ST3GAL3: variants seen among roughly 807,000 people sequenced by gnomAD.
ST3GAL3 encodes the protein ST3 beta-galactoside alpha-2,3-sialyltransferase 3, also known as CMP-N-acetylneuraminate-beta-1,4-galactoside alpha-2,3-sialyltransferase.
ST3GAL3 carries 21 observed loss-of-function variants against 50.1 expected under a neutral mutation model. The observed-to-expected ratio is 0.42, with a 90% confidence interval of 0.30 to 0.60. ST3GAL3 has a LOEUF of 0.60. Among genes scored for constraint, ST3GAL3 ranks in the 20% least tolerant of loss-of-function variants. The pLI is 0.19. For synonymous variants in ST3GAL3, 183 were observed against 190.0 expected (o/e 0.96, Z 0.30); for missense variants, 353 against 489.4 (o/e 0.72, Z 2.63).
At chr1:43,768,875 G>T (rs905503843) in intron 2 of ST3GAL3, among the ~76,000 whole-genome samples, 1 of 152,168 alleles carries the variant, frequency 6.6e-6, no homozygotes, top group African/African-American at 2.4e-5. Context: ...AACTGAAAAA[G>T]AGGGACACTC....
chr1:43,869,400 C>T (rs1378507915), intron 5 of ST3GAL3, among the ~76,000 whole-genome samples: 1 of 152,018 alleles, frequency 6.6e-6, no homozygotes, highest in Non-Finnish European at 1.5e-5. Context: ...CATAAAGGGC[C>T]CCTCCCTGTC....
rs1329120019 is a variant in ST3GAL3 at position 43,730,536 on chromosome 1, TTTTCTTTTCTTTTTTTC to T, written c.-30-5683_-30-5667del. On this transcript the variant is annotated intron_variant, in intron 1 of 11. Transcript: ENST00000347631. The stretch of plus-strand genomic sequence containing the variant: ...TTAGAAATACAAGTTTCTGATTTCT[TTTTCTTTTCTTTTTTTC>T]TTTCTTTTCTTTTCTTTCTTTTTTT... Among the ~76,000 whole-genome samples the T allele has an allele frequency of 4.7e-5, 4 of 85,804 alleles. No individual in the cohort carries two copies. In the East Asian group the frequency reaches 9.8e-4, roughly 21 times the overall value. The allele number at this position is 85,804 out of a possible 152,430, so 56.3% of individuals were successfully genotyped here. A position where few individuals can be genotyped will look rare whatever the true frequency, so the allele number is the denominator to read the frequency against.
chr1:43,740,337 C>CAAA lies in ST3GAL3; in HGVS notation c.118+3971_118+3973dup, dbSNP rs879854207. 8.1e-3 allele frequency among the ~76,000 whole-genome samples: 629 copies of CAAA among 77,500 alleles called. 12 individuals carry two copies. Among genetic ancestry groups the CAAA allele is most frequent in the African/African-American group, 0.027 (585 of 21,372 alleles). 50.8% of individuals were successfully genotyped at this position (77,500 alleles called of 152,430 possible). On this transcript the variant is annotated intron_variant, in intron 2 of 11. Coordinates refer to ENST00000347631, the MANE Select transcript of ST3GAL3 (RefSeq NM_006279.5). ...TGGGCCACAGAGCAAGACTCAGTCT[C>CAAA]AAAAAAAAAAAAAAAAGACTTATTT...
intron 1 of ST3GAL3, among the ~76,000 whole-genome samples, chr1:43,715,892 G>A (rs892463225): frequency 1.3e-5 from 2 of 152,020 alleles, no homozygotes; most frequent in African/African-American, 2.4e-5. Context: ...ACTCTCATAA[G>A]AGAATGAGAG....
chr1:43,770,033 A>G (rs925631551), intron 2 of ST3GAL3, among the ~76,000 whole-genome samples: 1 of 152,178 alleles, frequency 6.6e-6, no homozygotes, highest in Non-Finnish European at 1.5e-5. Flanking sequence ...AATTTAAACT[A>G]TAACTTGAAC....
chr1:43,817,627 CTT>C (rs2061503952), intron 4 of ST3GAL3, among the ~76,000 whole-genome samples: 10 of 122,878 alleles, frequency 8.1e-5, no homozygotes, highest in Admixed American at 2.5e-4. Context: ...CTCCTCCTCC[CTT>C]CTCCTCCTCC....
rs770492633 is a variant in ST3GAL3, at chr1:43,927,182, G to C, written c.1039-2950G>C. 5.8e-4 allele frequency among the ~76,000 whole-genome samples: 89 copies of C among 152,248 alleles called. 1 individual carries two copies. Among genetic ancestry groups the C allele is most frequent in the Non-Finnish European group, 5.7e-4 (39 of 68,018 alleles). ...CTGTCTCTACTAAAAATACAAATTA[G>C]CCAGTGGTGGTGCGTGCCTGTAATC... On this transcript the variant is annotated intron_variant, in intron 11 of 11. Coordinates refer to ENST00000347631, the MANE Select transcript of ST3GAL3 (RefSeq NM_006279.5).
chr1:43,765,487 T>C (rs940234824), intron 2 of ST3GAL3, among the ~76,000 whole-genome samples: 1 of 152,182 alleles, frequency 6.6e-6, no homozygotes, highest in Non-Finnish European at 1.5e-5. Flanking sequence ...GTGTGGTGGC[T>C]CCATTTCATC....
intron 5 of ST3GAL3, chr1:43,879,016 C>T (rs1459415957): frequency 1.3e-5 from 6 of 456,042 alleles, no homozygotes; most frequent in Non-Finnish European, 2.6e-5. Context: ...AAGAGTGATA[C>T]GTGCTTACAG....
chr1:43,778,644 C>CTTTTTTTTTTTTTT lies in ST3GAL3; in HGVS notation c.119-13452_119-13439dup, dbSNP rs35726867. Among the ~76,000 whole-genome samples, 84 of 118,686 alleles carry CTTTTTTTTTTTTTT rather than the reference C, an allele frequency of 7.1e-4. 1 individual carries two copies. Among genetic ancestry groups the CTTTTTTTTTTTTTT allele is most frequent in the Non-Finnish European group, 1.1e-3 (63 of 59,070 alleles). 77.9% of individuals were successfully genotyped at this position (118,686 alleles called of 152,430 possible). On this transcript the variant is annotated intron_variant, in intron 2 of 11. Transcript: ENST00000347631. ...GCATCCAGATTTCTTTTCTTTTTTT[C>CTTTTTTTTTTTTTT]TTTTTTTTTTTTTTTTTTTGAGACG...
chr1:43,930,218 C>G lies in ST3GAL3; in HGVS notation c.1125C>G (p.Ile375Met). ...TCATCACTGATCTAAGCAGTGGCATCTGAGTGGGCCCAGCACATGGCCATA... is the reference window on the plus strand; with the variant it reads ...TCATCACTGATCTAAGCAGTGGCATGTGAGTGGGCCCAGCACATGGCCATA... ...ARVITDLSSG[I>M] The change falls in exon 12 of 12, where the codon ATC (isoleucine) becomes ATG (methionine). Residue 375 changes from isoleucine (I) to methionine (M), a missense_variant. Coordinates refer to ENST00000347631, the MANE Select transcript of ST3GAL3 (RefSeq NM_006279.5). 1.2e-6 allele frequency: 2 copies of G among 1,613,434 alleles called. No individual in the cohort carries two copies. Among genetic ancestry groups the G allele is most frequent in the Non-Finnish European group, 1.7e-6 (2 of 1,180,010 alleles).
At chr1:43,877,955 T>C (rs905910986) in intron 5 of ST3GAL3, among the ~76,000 whole-genome samples, 19 of 152,290 alleles carry the variant, frequency 1.2e-4, no homozygotes, top group African/African-American at 3.6e-4. Context: ...CAGAAAGTAA[T>C]GTATCTGTAT....
chr1:43,713,816 G>A (rs1253860143), intron 1 of ST3GAL3, among the ~76,000 whole-genome samples: 3 of 152,102 alleles, frequency 2.0e-5, no homozygotes, highest in East Asian at 1.9e-4. Flanking sequence ...GTTTACACGC[G>A]TGAGCCACTA....
At chr1:43,829,912 G>C (rs575084124) in intron 4 of ST3GAL3, among the ~76,000 whole-genome samples, 1 of 147,808 alleles carries the variant, frequency 6.8e-6, no homozygotes, top group African/African-American at 2.5e-5. Flanking sequence ...CAGTGCTTCT[G>C]AAACATTTCC....
chr1:43,732,849 T>C (rs982130354), intron 1 of ST3GAL3, among the ~76,000 whole-genome samples: 3 of 152,198 alleles, frequency 2.0e-5, no homozygotes, highest in African/African-American at 7.2e-5. Flanking sequence ...ATATGAATAT[T>C]ATAAATTTCA....
rs145578758 is a variant in ST3GAL3 at position 43,751,117 on chromosome 1, G to A, written c.118+14737G>A. ...TTTCACAGAAGGAAAATTATAAGTG[G>A]TTAGTGTTTATTTACAAAAATATTC... On this transcript the variant is annotated intron_variant, in intron 2 of 11. Transcript: ENST00000347631. Among the ~76,000 whole-genome samples, 1,020 of 152,162 alleles carry A rather than the reference G, an allele frequency of 6.7e-3. 3 individuals are homozygous for A. The highest frequency in any genetic ancestry group is 0.011 in the Non-Finnish European group (725 of 67,996).
intron 1 of ST3GAL3, among the ~76,000 whole-genome samples, chr1:43,730,589 T>A (rs1337168725): frequency 7.3e-6 from 1 of 136,540 alleles, no homozygotes; most frequent in South Asian, 2.2e-4. Context: ...TTTTTTTTTT[T>A]AGACAGAGTC....
rs553084867 is a variant in ST3GAL3 at position 43,814,162 on chromosome 1, C to A, written c.167-729C>A. ...GGACAGATCTGTAATCTTCCTCCAGCAAGCACACAGAGCCCTAAGATATTC... is the reference window on the plus strand; with the variant it reads ...GGACAGATCTGTAATCTTCCTCCAGAAAGCACACAGAGCCCTAAGATATTC... On this transcript the variant is annotated intron_variant, in intron 3 of 11. Coordinates refer to ENST00000347631, the MANE Select transcript of ST3GAL3 (RefSeq NM_006279.5). Among the ~76,000 whole-genome samples the A allele has an allele frequency of 5.3e-5, 8 of 152,270 alleles. No homozygotes were observed. The South Asian group carries it at 1.7e-3, about 32-fold the overall frequency.
At chr1:43,749,663 G>T (rs111633016) in intron 2 of ST3GAL3, among the ~76,000 whole-genome samples, 1,595 of 152,316 alleles carry the variant, frequency 0.01, 36 homozygotes, top group African/African-American at 0.036. Context: ...TGACTGATAA[G>T]CACCTTGCTA....
Sources: allele counts gnomAD v4.1 joint callset (sites outside exome capture counted in the v4.1 genomes callset), GRCh38; gene constraint gnomAD v4.1.1; transcripts MANE v1.5; gene names NCBI Gene and HGNC (gene_info 2026-07-23, HGNC 2026-07-21).